CLOCK: variants seen among roughly 807,000 people sequenced by gnomAD.
CLOCK encodes circadian locomoter output cycles protein kaput.
A neutral mutation model predicts 118.4 loss-of-function variants in CLOCK; 43 were observed. The ratio of observed to expected loss-of-function variants is 0.36; its 90% CI spans 0.28 to 0.47. CLOCK has a LOEUF of 0.47. Among genes scored for constraint, CLOCK ranks in the 20% least tolerant of loss-of-function variants. The pLI is 1.00. For synonymous variants in CLOCK, 326 were observed against 339.2 expected (o/e 0.96, Z 0.43); for missense variants, 846 against 999.9 (o/e 0.85, Z 2.08).
intron 2 of CLOCK, among the ~76,000 whole-genome samples, chr4:55,491,682 T>A (rs1342902989): frequency 6.6e-6 from 1 of 152,082 alleles, no homozygotes; most frequent in Non-Finnish European, 1.5e-5. Flanking sequence ...GGTCTAAAAC[T>A]ATAAACAATC....
chr4:55,478,934 C>T lies in CLOCK; in HGVS notation c.137G>A (p.Arg46His). 1.2e-6 allele frequency: 2 copies of T among 1,600,404 alleles called. No homozygotes were observed. The highest frequency in any genetic ancestry group is 1.1e-5 in the South Asian group (1 of 89,794). Residue 46 changes from arginine to histidine, a missense_variant, in exon 6 of 23, where the codon CGT (arginine) becomes CAT (histidine). Physicochemically the swap from Arg to His is conservative, Grantham distance 29 (BLOSUM62 0). This residue lies in a region of CLOCK where 246 missense variants were observed against 300.2 expected (regional missense o/e 0.82). Coordinates refer to ENST00000513440, the MANE Select transcript of CLOCK (RefSeq NM_004898.4). ...RVSRNKSEKK[R>H]RDQFNVLIKE... ...AATGAGAACATTAAATTGATCTCTACGTTTCTTTTCAGATTTGTTTCTAGA... is the reference window on the plus strand; with the variant it reads ...AATGAGAACATTAAATTGATCTCTATGTTTCTTTTCAGATTTGTTTCTAGA...
chr4:55,429,998 A>T lies in CLOCK; in HGVS notation c.*5417T>A, dbSNP rs1300873236. 6.6e-6 allele frequency: 1 copy of T among 152,244 alleles called. No individual in the cohort carries two copies. Among genetic ancestry groups the T allele is most frequent in the Non-Finnish European group, 1.5e-5 (1 of 68,050 alleles). 9.4% of individuals were successfully genotyped at this position (152,244 alleles called of 1,614,324 possible). A position where few individuals can be genotyped will look rare whatever the true frequency, so the allele number is the denominator to read the frequency against. ...CTAAGAAGAATATGGTGCAAAACAAAACAAACCACACATTAAATACATGAC... is the reference window on the plus strand; with the variant it reads ...CTAAGAAGAATATGGTGCAAAACAATACAAACCACACATTAAATACATGAC... On this transcript the variant is annotated 3_prime_UTR_variant, in exon 23 of 23. Transcript: ENST00000513440.
rs147222275 is a variant in CLOCK at position 55,504,448 on chromosome 4, A to G, written c.-136+5464T>C. On this transcript the variant is annotated intron_variant, in intron 2 of 22. Coordinates refer to ENST00000513440, the MANE Select transcript of CLOCK (RefSeq NM_004898.4). ...AAAGTGCTTAGAATATAATGCCTCAAAGTAAATGCTCAAAATTGTATTAAT... is the reference window on the plus strand; with the variant it reads ...AAAGTGCTTAGAATATAATGCCTCAGAGTAAATGCTCAAAATTGTATTAAT... Among the ~76,000 whole-genome samples the G allele has an allele frequency of 3.5e-3, 534 of 152,268 alleles. 2 individuals are homozygous for G. The highest frequency in any genetic ancestry group is 0.012 in the African/African-American group (515 of 41,558).
intron 4 of CLOCK, among the ~76,000 whole-genome samples, chr4:55,481,958 A>G (rs1726963095): frequency 6.6e-6 from 1 of 152,216 alleles, no homozygotes; most frequent in East Asian, 1.9e-4. Flanking sequence ...TTGTTGGATT[A>G]TATCAAATTT....
chr4:55,498,137 T>A (rs1231647821), intron 2 of CLOCK, among the ~76,000 whole-genome samples: 1 of 152,198 alleles, frequency 6.6e-6, no homozygotes, highest in Admixed American at 6.5e-5. Context: ...TATGTATAAA[T>A]ATAATGACAA....
intron 1 of CLOCK, among the ~76,000 whole-genome samples, chr4:55,532,221 A>G (rs1007600964): frequency 6.6e-6 from 1 of 152,176 alleles, no homozygotes; most frequent in African/African-American, 2.4e-5. Context: ...ATCCTATTCA[A>G]TGGTAAAAGA....
chr4:55,430,421 GGAAA>G lies in CLOCK; in HGVS notation c.*4990_*4993del, dbSNP rs1260005449. On this transcript the variant is annotated 3_prime_UTR_variant, in exon 23 of 23. Transcript: ENST00000513440. Reference sequence around the variant, plus strand: ...AAAAAACTATGCAAAACAGTCACATGGAAAGAAAGTATTTTAATTTTTAAAATCC... The same window carrying G: ...AAAAAACTATGCAAAACAGTCACATGGAAAGTATTTTAATTTTTAAAATCC... 6 of 152,150 alleles carry G rather than the reference GGAAA, an allele frequency of 3.9e-5. No homozygotes were observed. The highest frequency in any genetic ancestry group is 3.3e-4 in the Admixed American group (5 of 15,274). 9.4% of individuals were successfully genotyped at this position (152,150 alleles called of 1,614,324 possible).
In CLOCK at chr4:55,445,582, CTTTTTTTTTTTT is replaced by C. The variant is rs56157186; in HGVS notation, c.1540-809_1540-798del. Among the ~76,000 whole-genome samples the C allele has an allele frequency of 8.0e-4, 55 of 68,594 alleles. 3 individuals carry two copies. The East Asian group carries it at 0.015, about 19-fold the overall frequency. 45.0% of individuals were successfully genotyped at this position (68,594 alleles called of 152,430 possible). A position where few individuals can be genotyped will look rare whatever the true frequency, so the allele number is the denominator to read the frequency against. ...TCTCTGCATCTGCTATTTCTATATT[CTTTTTTTTTTTT>C]TTTTTTTTTTTTTTGAGACAGGATC... is the stretch of plus-strand genomic sequence containing the variant. On this transcript the variant is annotated intron_variant, in intron 18 of 22. Coordinates refer to ENST00000513440, the MANE Select transcript of CLOCK (RefSeq NM_004898.4).
chr4:55,486,200 T>G (rs1416896009), intron 3 of CLOCK, among the ~76,000 whole-genome samples: 1 of 152,242 alleles, frequency 6.6e-6, no homozygotes, highest in African/African-American at 2.4e-5. Flanking sequence ...TGAGCAGTTT[T>G]TCCTAGAGTT....
At chr4:55,442,097 A>C (rs533706886) in intron 21 of CLOCK, among the ~76,000 whole-genome samples, 4 of 152,316 alleles carry the variant, frequency 2.6e-5, no homozygotes, top group East Asian at 1.9e-4. Flanking sequence ...CTGTTACTAC[A>C]TGGAAATTCT....
chr4:55,442,385 C>A, intron 21 of CLOCK, 47 bp downstream of exon 21: 2 of 1,497,668 alleles, frequency 1.3e-6, no homozygotes, highest in South Asian at 2.3e-5. Context: ...GTTTTCTAAT[C>A]AATCGGTTTA....
intron 2 of CLOCK, among the ~76,000 whole-genome samples, chr4:55,490,591 C>T (rs1233668547): frequency 6.6e-6 from 1 of 152,122 alleles, no homozygotes; most frequent in Non-Finnish European, 1.5e-5. Flanking sequence ...GCTTAAGTCC[C>T]TTATATAAAA....
intron 7 of CLOCK, among the ~76,000 whole-genome samples, chr4:55,473,152 G>A (rs1037274374): frequency 3.3e-5 from 5 of 151,986 alleles, no homozygotes; most frequent in Non-Finnish European, 7.4e-5. Context: ...TTGAATCTGG[G>A]AGGCAGAGGT....
At chr4:55,448,599 CGCGTGTGTGTGTGTGTGTGTGT>C (rs1198649403) in intron 18 of CLOCK, among the ~76,000 whole-genome samples, 158 bp downstream of exon 18, 6 of 105,592 alleles carry the variant, frequency 5.7e-5, no homozygotes, top group Non-Finnish European at 1.1e-4. Flanking sequence ...CGCGCACGCG[CGCGTGTGTGTGTGTGTGTGTGT>C]GTGTGTGTGT....
In CLOCK at chr4:55,479,798, G is replaced by A. The variant is rs546858592; in HGVS notation, c.48-99C>T. The A allele has an allele frequency of 3.2e-4, 302 of 944,092 alleles. 2 individuals are homozygous for A. The African/African-American group carries it at 4.4e-3, about 14-fold the overall frequency. 58.5% of individuals were successfully genotyped at this position (944,092 alleles called of 1,614,324 possible). On this transcript the variant is annotated intron_variant, in intron 4 of 22. Coordinates refer to ENST00000513440, the MANE Select transcript of CLOCK (RefSeq NM_004898.4). ...AACTCAGTTATGCCCTATGATTTTT[G>A]TAAAGTTAATGAGTTATAACATTCA...
intron 17 of CLOCK, 83 bp from the exon 18 acceptor site, chr4:55,448,951 C>T (rs1030220945): frequency 1.3e-5 from 14 of 1,066,778 alleles, no homozygotes; most frequent in Middle Eastern, 2.0e-4. Flanking sequence ...ATATGATATT[C>T]GTATTAATAA....
At chr4:55,515,947 AT>A (rs202181579) in intron 1 of CLOCK, among the ~76,000 whole-genome samples, 4,240 of 152,230 alleles carry the variant, frequency 0.028, 208 homozygotes, top group African/African-American at 0.097. Context: ...GAAAATAAAA[AT>A]TTTTTTAATA....
chr4:55,545,627 T>C (rs1731563075), intron 1 of CLOCK: 2 of 152,260 alleles, frequency 1.3e-5, no homozygotes, highest in Admixed American at 1.3e-4. Flanking sequence ...TGATCTTTCA[T>C]CTGCCAGGTC....
chr4:55,460,925 CTCCT>C (rs1318811098), intron 9 of CLOCK, among the ~76,000 whole-genome samples: 2 of 130,590 alleles, frequency 1.5e-5, no homozygotes, highest in Non-Finnish European at 3.3e-5. Context: ...ATACTTTCCT[CTCCT>C]TTTTTTTTTT....
Sources: allele counts gnomAD v4.1 joint callset (sites outside exome capture counted in the v4.1 genomes callset), GRCh38; gene constraint gnomAD v4.1.1; regional missense constraint gnomAD v4.1.1; transcripts MANE v1.5; gene names NCBI Gene and HGNC (gene_info 2026-07-23, HGNC 2026-07-21).